The following HHAT variants were observed in gnomAD, a reference collection of about 807,000 sequenced individuals.
HHAT encodes hedgehog acyltransferase.
In HHAT, 47 loss-of-function variants were observed where a neutral mutation model predicts 70.8. The ratio of observed to expected loss-of-function variants is 0.66; its 90% confidence interval spans 0.53 to 0.85. HHAT has a LOEUF of 0.85. Ranked by LOEUF, HHAT falls within the 40% of genes least tolerant of loss-of-function variation. The pLI, the probability that HHAT is intolerant of heterozygous loss-of-function variation, is 0.00. For missense variants in HHAT, 609 were observed against 604.8 expected, an observed-to-expected ratio of 1.01 and a Z score of -0.07; for synonymous variants, 228 against 247.6, an observed-to-expected ratio of 0.92 and a Z score of 0.74.
Position 210,612,966 on chromosome 1 carries a change from A to AT in HHAT, c.1246-10553dup, listed in dbSNP as rs572093348. Among the ~76,000 whole-genome samples, 559 of 151,996 alleles carry AT rather than the reference A, an allele frequency of 3.7e-3. 9 individuals are homozygous for AT. The highest frequency in any genetic ancestry group is 0.013 in the African/African-American group (524 of 41,472). On this transcript the variant is annotated intron_variant, in intron 10 of 11. Coordinates refer to ENST00000261458, the MANE Select transcript of HHAT (RefSeq NM_018194.6). ...ATTCTTTGTCCATTTTTAAAGTTGG[A>AT]TTTTTTTGGTTGTTGTGTTATAGGA...
intron 1 of HHAT, among the ~76,000 whole-genome samples, chr1:210,346,803 A>G (rs1183449837): frequency 1.3e-5 from 2 of 152,254 alleles, no homozygotes; most frequent in South Asian, 2.1e-4. Context: ...GTAACTGTAC[A>G]CTGGCATTAA....
intron 11 of HHAT, among the ~76,000 whole-genome samples, chr1:210,656,066 T>C (rs1415239596): frequency 6.6e-6 from 1 of 152,172 alleles, no homozygotes; most frequent in Non-Finnish European, 1.5e-5. Flanking sequence ...GTTCGGAGGC[T>C]CTAAATGTTA....
chr1:210,487,398 A>C (rs2094489403), intron 8 of HHAT, among the ~76,000 whole-genome samples: 1 of 152,176 alleles, frequency 6.6e-6, no homozygotes, highest in African/African-American at 2.4e-5. Context: ...TTCTCCGTGG[A>C]CTTCACAGAG....
chr1:210,655,177 G>C (rs2148945520), intron 11 of HHAT, among the ~76,000 whole-genome samples: 1 of 152,278 alleles, frequency 6.6e-6, no homozygotes, highest in East Asian at 1.9e-4. Context: ...AAGATTACCA[G>C]GAAGAGAATA....
intron 5 of HHAT, among the ~76,000 whole-genome samples, chr1:210,402,461 C>T (rs1168104985): frequency 6.6e-6 from 1 of 152,180 alleles, no homozygotes; most frequent in Non-Finnish European, 1.5e-5. Context: ...TTGGAACCAA[C>T]CTTCTCATCA....
intron 9 of HHAT, among the ~76,000 whole-genome samples, chr1:210,557,042 T>C (rs916904463): frequency 6.6e-6 from 1 of 152,150 alleles, no homozygotes; most frequent in Non-Finnish European, 1.5e-5. Context: ...ACAGCAGGGC[T>C]GAAGATCAGC....
At chr1:210,496,010 C>CAAAAAAAAAAAAAAAAAAAAAAAAAAAA (rs10639399) in intron 8 of HHAT, among the ~76,000 whole-genome samples, 1 of 67,954 alleles carries the variant, frequency 1.5e-5, no homozygotes, top group Non-Finnish European at 2.5e-5. Context: ...AACTCTATCT[C>CAAAAAAAAAAAAAAAAAAAAAAAAAAAA]AAAAAAAAAA....
intron 9 of HHAT, among the ~76,000 whole-genome samples, chr1:210,570,185 G>A (rs1424877736): frequency 6.6e-6 from 1 of 152,198 alleles, no homozygotes; most frequent in South Asian, 2.1e-4. Flanking sequence ...ACTGTGAGAA[G>A]GGAGTAATGA....
At chr1:210,505,920 C>T (rs2094844877) in intron 8 of HHAT, among the ~76,000 whole-genome samples, 1 of 152,160 alleles carries the variant, frequency 6.6e-6, no homozygotes, top group African/African-American at 2.4e-5. Context: ...CCCTAGCTTC[C>T]ACCCAGCCGA....
At chr1:210,582,358 A>G (rs780030344) in intron 9 of HHAT, among the ~76,000 whole-genome samples, 3 of 152,122 alleles carry the variant, frequency 2.0e-5, no homozygotes, top group African/African-American at 7.2e-5. Flanking sequence ...TGGGTAAGTG[A>G]TTACAGGAAA....
At chr1:210,351,143 C>T (rs2086982714) in intron 2 of HHAT, among the ~76,000 whole-genome samples, 1 of 152,118 alleles carries the variant, frequency 6.6e-6, no homozygotes, top group African/African-American at 2.4e-5. Flanking sequence ...AGTCCAAAGG[C>T]CTGAGAACTG....
chr1:210,428,426 C>T (rs1215830078), intron 7 of HHAT, among the ~76,000 whole-genome samples: 1 of 149,646 alleles, frequency 6.7e-6, no homozygotes, highest in Non-Finnish European at 1.5e-5. Flanking sequence ...GTTTGATACC[C>T]AGACAGTAAT....
chr1:210,551,026 TA>T (rs1470092773), intron 9 of HHAT, among the ~76,000 whole-genome samples: 1 of 148,686 alleles, frequency 6.7e-6, no homozygotes, highest in Non-Finnish European at 1.5e-5. Flanking sequence ...GACACAGAGC[TA>T]AAGGACAAAG....
intron 11 of HHAT, among the ~76,000 whole-genome samples, chr1:210,665,251 G>T (rs557087453): frequency 6.6e-5 from 10 of 152,332 alleles, no homozygotes; most frequent in South Asian, 2.1e-4. Context: ...AATTACTTTT[G>T]TTCCAACCTA....
chr1:210,383,223 C>T (rs112851522), intron 3 of HHAT, among the ~76,000 whole-genome samples: 24,811 of 151,968 alleles, frequency 0.16, 2,432 homozygotes, highest in Admixed American at 0.26. Flanking sequence ...ACCTGTAGTC[C>T]CAGCTACTTG....
rs376340822 is a variant in HHAT, at chr1:210,383,777, GAT to G, written c.160-3689_160-3688del. ...TCTGTGAACTGAAAACTCTCTAAAA[GAT>G]AAGGTCTGTTAAACAAATTGAGCTA... is the stretch of plus-strand genomic sequence containing the variant. On this transcript the variant is annotated intron_variant, in intron 3 of 11. Coordinates refer to ENST00000261458, the MANE Select transcript of HHAT (RefSeq NM_018194.6). Among the ~76,000 whole-genome samples, 569 of 152,162 alleles carry G rather than the reference GAT, an allele frequency of 3.7e-3. 6 individuals are homozygous for G. The highest frequency in any genetic ancestry group is 0.013 in the African/African-American group (522 of 41,554).
chr1:210,519,289 T>A (rs2095111935), intron 9 of HHAT, among the ~76,000 whole-genome samples: 1 of 152,206 alleles, frequency 6.6e-6, no homozygotes, highest in African/African-American at 2.4e-5. Flanking sequence ...TCTTGGCTAT[T>A]GTCAATAGTG....
At chr1:210,649,347 C>T (rs753676592) in intron 11 of HHAT, among the ~76,000 whole-genome samples, 12 of 152,338 alleles carry the variant, frequency 7.9e-5, no homozygotes, top group Non-Finnish European at 1.6e-4. Flanking sequence ...GGGAAATTGG[C>T]ATGGCTTCAC....
At chr1:210,577,637 ATTTTTTTTTTTTTTTT>A (rs1192626068) in intron 9 of HHAT, among the ~76,000 whole-genome samples, 1 of 60,206 alleles carries the variant, frequency 1.7e-5, no homozygotes, top group African/African-American at 6.8e-5. Context: ...GGCCTGTAGG[ATTTTTTTTTTTTTTTT>A]TTTTTTTTTT....
Sources: allele counts gnomAD v4.1 joint callset (sites outside exome capture counted in the v4.1 genomes callset), GRCh38; gene constraint gnomAD v4.1.1; transcripts MANE v1.5; gene names NCBI Gene and HGNC (gene_info 2026-07-23, HGNC 2026-07-21).